Variants in FGF14 observed in about 807,000 individuals in gnomAD.
The protein encoded by FGF14 is fibroblast growth factor 14, also known as fibroblast growth factor homologous factor 4.
FGF14 carries 5 observed loss-of-function variants against 25.5 expected under a neutral mutation model. That is an observed-to-expected ratio of 0.20 (90% CI 0.10 to 0.41). The LOEUF (loss-of-function observed/expected upper bound fraction) is 0.41, where lower values mean the gene tolerates loss of function less well. Ranked by LOEUF, FGF14 falls within the 10% of genes least tolerant of loss-of-function variation. The pLI is 1.00. For synonymous variants in FGF14, 138 were observed against 118.3 expected (o/e 1.17, Z -1.08); for missense variants, 222 against 320.1 (o/e 0.69, Z 2.34).
chr13:101,955,733 T>C (rs913286888), intron 1 of FGF14, among the ~76,000 whole-genome samples: 2 of 152,242 alleles, frequency 1.3e-5, no homozygotes, highest in Middle Eastern at 3.2e-3. Flanking sequence ...GTAACATTTA[T>C]GTTTCTTAAC....
chr13:101,891,347 G>T (rs2138891687), intron 1 of FGF14, among the ~76,000 whole-genome samples: 1 of 152,206 alleles, frequency 6.6e-6, no homozygotes, highest in East Asian at 1.9e-4. Flanking sequence ...TGGGCCCTTT[G>T]CTCTCAGCGT....
chr13:102,379,072 C>G (rs1266415400), intron 1 of FGF14, among the ~76,000 whole-genome samples: 1 of 152,054 alleles, frequency 6.6e-6, no homozygotes, highest in Non-Finnish European at 1.5e-5. Flanking sequence ...AGGACACTGT[C>G]TATTAAAGGG....
intron 1 of FGF14, among the ~76,000 whole-genome samples, chr13:102,317,798 T>A (rs192431270): frequency 1.3e-5 from 2 of 152,202 alleles, no homozygotes; most frequent in African/African-American, 4.8e-5. Context: ...AGAGCTGGAT[T>A]TCCTGTCCCC....
intron 1 of FGF14, among the ~76,000 whole-genome samples, chr13:102,355,400 G>A (rs1211688505): frequency 6.6e-6 from 1 of 151,984 alleles, no homozygotes; most frequent in Non-Finnish European, 1.5e-5. Context: ...TCCGAAGAAT[G>A]AGTCAGTGAG....
At chr13:102,315,918 C>T (rs551827710) in intron 1 of FGF14, among the ~76,000 whole-genome samples, 1 of 152,328 alleles carries the variant, frequency 6.6e-6, no homozygotes, top group East Asian at 1.9e-4. Flanking sequence ...TTACATTACA[C>T]TCTTTCATGA....
intron 3 of FGF14, among the ~76,000 whole-genome samples, chr13:101,803,037 A>T (rs1311578796): frequency 2.6e-5 from 4 of 151,460 alleles, no homozygotes; most frequent in Non-Finnish European, 5.9e-5. Flanking sequence ...GTCAGATAGC[A>T]TTCTGCTGCC....
intron 4 of FGF14, among the ~76,000 whole-genome samples, chr13:101,724,854 ATT>A (rs2035297100): frequency 6.6e-6 from 1 of 151,324 alleles, no homozygotes; most frequent in African/African-American, 2.4e-5. Context: ...AAAAAGTATT[ATT>A]TCTCTCTTTC....
intron 3 of FGF14, among the ~76,000 whole-genome samples, chr13:101,850,648 TTCTC>T (rs932369440): frequency 2.0e-4 from 29 of 142,602 alleles, no homozygotes; most frequent in East Asian, 1.8e-3. Flanking sequence ...GATATATACA[TTCTC>T]TATATATTCT....
intron 1 of FGF14, among the ~76,000 whole-genome samples, chr13:102,114,645 C>T (rs1444437700): frequency 6.6e-6 from 1 of 152,144 alleles, no homozygotes; most frequent in Non-Finnish European, 1.5e-5. Flanking sequence ...AATGGAATAC[C>T]ATTCGGCTTT....
chr13:102,204,316 C>T (rs1433606110), intron 1 of FGF14, among the ~76,000 whole-genome samples: 1 of 152,118 alleles, frequency 6.6e-6, no homozygotes, highest in Non-Finnish European at 1.5e-5. Context: ...AACACACACA[C>T]ACACTCATAC....
At chr13:101,897,531 G>C (rs1298376290) in intron 1 of FGF14, among the ~76,000 whole-genome samples, 1 of 152,108 alleles carries the variant, frequency 6.6e-6, no homozygotes. Context: ...TAGCAGCCTG[G>C]AGTAAGAGAT....
intron 1 of FGF14, among the ~76,000 whole-genome samples, chr13:102,346,908 G>A (rs962395063): frequency 1.3e-5 from 2 of 152,106 alleles, no homozygotes; most frequent in Admixed American, 1.3e-4. Flanking sequence ...GTTCTGTTGT[G>A]TATTTAAGAA....
In FGF14 at chr13:101,722,434, G is replaced by C. The variant is rs1331457935; in HGVS notation, c.*397C>G. 1 of 311,380 alleles carries C rather than the reference G, an allele frequency of 3.2e-6. No homozygotes were observed. The highest frequency in any genetic ancestry group is 2.2e-5 in the African/African-American group (1 of 46,206). The allele number at this position is 311,380 out of a possible 1,614,324, so 19.3% of individuals were successfully genotyped here. The stretch of plus-strand genomic sequence containing the variant: ...AACTAGAAATTACTCAATATTATTT[G>C]TGTGCTACAAAATTGAACTTAAACA... On this transcript the variant is annotated 3_prime_UTR_variant, in exon 5 of 5. Coordinates refer to ENST00000376143, the MANE Select transcript of FGF14 (RefSeq NM_004115.4).
At position 101,972,801 on chromosome 13, in the gene FGF14, G is replaced by A. The variant is rs145289139; in HGVS notation, c.209-97505C>T. On this transcript the variant is annotated intron_variant, in intron 1 of 4. Transcript: ENST00000376131. The stretch of plus-strand genomic sequence containing the variant: ...TGGGATTACAGGCATGAGCCACCGT[G>A]CCCAGCTTAAAGTTGTATTTTATTT... Among the ~76,000 whole-genome samples the A allele has an allele frequency of 2.6e-3, 393 of 152,298 alleles. 1 individual carries two copies. Among genetic ancestry groups the A allele is most frequent in the African/African-American group, 9.0e-3 (375 of 41,578 alleles).
At chr13:101,830,405 G>A (rs1024786298) in intron 3 of FGF14, among the ~76,000 whole-genome samples, 1 of 152,026 alleles carries the variant, frequency 6.6e-6, no homozygotes, top group Non-Finnish European at 1.5e-5. Context: ...ACAGGTCCCT[G>A]GCAGGCTGGA....
chr13:102,239,604 A>C (rs958794075), intron 1 of FGF14, among the ~76,000 whole-genome samples: 1 of 152,178 alleles, frequency 6.6e-6, no homozygotes, highest in African/African-American at 2.4e-5. Context: ...CATGTGACTA[A>C]CAAGTAAAAA....
chr13:102,086,387 G>A (rs960442947), intron 1 of FGF14, among the ~76,000 whole-genome samples: 5 of 152,044 alleles, frequency 3.3e-5, no homozygotes, highest in South Asian at 2.1e-4. Context: ...AATATTAGCC[G>A]GGCGTGGTGG....
chr13:102,164,353 G>C (rs1011570949), intron 1 of FGF14, among the ~76,000 whole-genome samples: 3 of 152,132 alleles, frequency 2.0e-5, no homozygotes, highest in Non-Finnish European at 4.4e-5. Flanking sequence ...GCCTCTACTT[G>C]AATATTAGAC....
chr13:101,888,155 A>G (rs1224968082), intron 1 of FGF14, among the ~76,000 whole-genome samples: 4 of 152,080 alleles, frequency 2.6e-5, no homozygotes, highest in Non-Finnish European at 4.4e-5. Context: ...CACGCATGAA[A>G]CTCAAGCTAA....
Sources: gnomAD v4.1 joint callset for allele counts (sites outside exome capture counted in the v4.1 genomes callset) on GRCh38, gnomAD v4.1.1 for gene constraint, MANE v1.5 for transcripts, NCBI Gene and HGNC (gene_info 2026-07-23, HGNC 2026-07-21) for gene names.